Variants in EGFR observed in about 807,000 individuals in gnomAD.
The protein encoded by EGFR is avian erythroblastic leukemia viral (v-erb-b) oncogene homolog.
A neutral mutation model predicts 143.0 loss-of-function variants in EGFR; 58 were observed. The ratio of observed to expected loss-of-function variants is 0.41; its 90% CI spans 0.33 to 0.50. The LOEUF (loss-of-function observed/expected upper bound fraction) is 0.50, where lower values mean the gene tolerates loss of function less well. EGFR is among the 20% of genes least tolerant of loss of function. The pLI is 0.39. For synonymous variants in EGFR, 613 were observed against 594.4 expected, an observed-to-expected ratio of 1.03 and a Z score of -0.45; for missense variants, 1,307 against 1,579.0, an observed-to-expected ratio of 0.83 and a Z score of 2.92.
chr7:55,170,663 G>A, intron 15 of EGFR: 1 of 1,594,808 alleles, frequency 6.3e-7, no homozygotes. Flanking sequence ...CTTTGCCAGT[G>A]CCTCTCACCC....
At chr7:55,086,241 C>G (rs1170584268) in intron 1 of EGFR, among the ~76,000 whole-genome samples, 1 of 152,194 alleles carries the variant, frequency 6.6e-6, no homozygotes, top group African/African-American at 2.4e-5. Context: ...GGGGCTTGCA[C>G]CCCGGAGCCT....
chr7:55,204,166 CAT>C (rs1421395373), intron 27 of EGFR, among the ~76,000 whole-genome samples: 1 of 150,844 alleles, frequency 6.6e-6, no homozygotes, highest in Non-Finnish European at 1.5e-5. Context: ...TACACACACA[CAT>C]ACACACAGAC....
chr7:55,068,021 TG>T (rs1282431846), intron 1 of EGFR, among the ~76,000 whole-genome samples: 1 of 151,078 alleles, frequency 6.6e-6, no homozygotes, highest in African/African-American at 2.5e-5. Context: ...CAGGTGTGCC[TG>T]TGTGTATGTG....
chr7:55,172,913 C>A (rs779560466), intron 16 of EGFR, 70 bp from the exon 17 acceptor site: 15 of 1,613,256 alleles, frequency 9.3e-6, no homozygotes, highest in Non-Finnish European at 1.2e-5. Context: ...CATGCAGGGG[C>A]GTGTTGAGTG....
At chr7:55,074,036 T>G (rs1231970386) in intron 1 of EGFR, among the ~76,000 whole-genome samples, 1 of 152,256 alleles carries the variant, frequency 6.6e-6, no homozygotes, top group Non-Finnish European at 1.5e-5. Flanking sequence ...CCATGGGTAC[T>G]GCAAACAGCC....
rs752803556 is a variant in EGFR at position 55,154,160 on chromosome 7, C to T, written c.889+8C>T. On this transcript the variant is annotated splice_region_variant and intron_variant, in intron 7 of 27. Transcript: ENST00000275493. ...GCGTGAAGAAGTGTCCCCGTGAGTC[C>T]TCCTCTGTGGGCCCTCTAACTGGTC... The T allele has an allele frequency of 4.3e-6, 7 of 1,614,084 alleles. No homozygotes were observed. In the African/African-American group the frequency reaches 8.0e-5, roughly 18 times the overall value.
intron 11 of EGFR, among the ~76,000 whole-genome samples, chr7:55,158,771 C>T (rs186697260): frequency 1.0e-3 from 154 of 152,314 alleles, no homozygotes; most frequent in African/African-American, 3.5e-3. Context: ...CCCAGACCTG[C>T]CCTGCAAGGA....
At chr7:55,105,969 T>TG (rs1194135246) in intron 1 of EGFR, among the ~76,000 whole-genome samples, 1 of 152,190 alleles carries the variant, frequency 6.6e-6, no homozygotes, top group East Asian at 1.9e-4. Flanking sequence ...AAGCATAACA[T>TG]GAGAAGGGCT....
chr7:55,109,931 G>A (rs571287547), intron 1 of EGFR: 8 of 985,410 alleles, frequency 8.1e-6, no homozygotes, highest in South Asian at 4.7e-5. Flanking sequence ...CGACCTCTCC[G>A]CGCTGAGAAG....
chr7:55,197,985 C>T (rs536285026), intron 22 of EGFR, among the ~76,000 whole-genome samples: 1 of 152,214 alleles, frequency 6.6e-6, no homozygotes, highest in Non-Finnish European at 1.5e-5. Context: ...CTCTGCCAAG[C>T]TTTGGTATCA....
chr7:55,136,813 T>C (rs1205362139), intron 1 of EGFR, among the ~76,000 whole-genome samples: 1 of 152,252 alleles, frequency 6.6e-6, no homozygotes, highest in Non-Finnish European at 1.5e-5. Flanking sequence ...AAACAGCTGA[T>C]ACTATACAGT....
chr7:55,124,272 G>T (rs1793388672), intron 1 of EGFR, among the ~76,000 whole-genome samples: 1 of 152,068 alleles, frequency 6.6e-6, no homozygotes, highest in African/African-American at 2.4e-5. Context: ...ATGTTTTATT[G>T]ATATGAGTAT....
rs549522612 is a variant in EGFR, at chr7:55,206,506, A to G, written c.*889A>G. 2 of 233,316 alleles carry G rather than the reference A, an allele frequency of 8.6e-6. No individual in the cohort carries two copies. Among genetic ancestry groups the G allele is most frequent in the East Asian group, 1.2e-4 (2 of 16,596 alleles). 14.5% of individuals were successfully genotyped at this position (233,316 alleles called of 1,614,324 possible). A position where few individuals can be genotyped will look rare whatever the true frequency, so the allele number is the denominator to read the frequency against. On this transcript the variant is annotated 3_prime_UTR_variant, in exon 28 of 28. Coordinates refer to ENST00000275493, the MANE Select transcript of EGFR (RefSeq NM_005228.5). ...TTGGACCAATAGCCCACAGCTGAGA[A>G]TGTGGAATACCTAAGGATAGCACCG...
At chr7:55,076,524 C>A (rs1790138890) in intron 1 of EGFR, among the ~76,000 whole-genome samples, 1 of 152,202 alleles carries the variant, frequency 6.6e-6, no homozygotes. Flanking sequence ...AAAGATTCCT[C>A]TTTTTATTCC....
intron 20 of EGFR, among the ~76,000 whole-genome samples, chr7:55,183,556 C>T (rs1356147056): frequency 2.0e-5 from 3 of 152,124 alleles, no homozygotes; most frequent in Non-Finnish European, 4.4e-5. Context: ...GGTGGTCAGC[C>T]TGGGGCAGAT....
intron 10 of EGFR, chr7:55,157,048 C>G: frequency 8.2e-7 from 1 of 1,219,902 alleles, no homozygotes; most frequent in Non-Finnish European, 1.1e-6. Flanking sequence ...GCGGTGTAAA[C>G]ACGCTTTCTC....
At chr7:55,036,880 A>G (rs1309731505) in intron 1 of EGFR, among the ~76,000 whole-genome samples, 1 of 152,208 alleles carries the variant, frequency 6.6e-6, no homozygotes, top group Non-Finnish European at 1.5e-5. Context: ...GCAGAAGGAC[A>G]GGGCTATTTG....
chr7:55,142,454 T>C lies in EGFR; in HGVS notation c.240+17T>C, dbSNP rs1284017118. ...TTCTTAAAGGTTGGTGACTTTGATTTTCCTACACAAATAAAATTGGAGAAA... is the reference window on the plus strand; with the variant it reads ...TTCTTAAAGGTTGGTGACTTTGATTCTCCTACACAAATAAAATTGGAGAAA... On this transcript the variant is annotated intron_variant, in intron 2 of 27. Transcript: ENST00000275493. The C allele has an allele frequency of 4.3e-6, 7 of 1,613,418 alleles. No individual in the cohort carries two copies. The South Asian group carries it at 7.7e-5, about 18-fold the overall frequency.
chr7:55,041,689 C>T (rs1223132320), intron 1 of EGFR, among the ~76,000 whole-genome samples: 1 of 152,198 alleles, frequency 6.6e-6, no homozygotes, highest in Non-Finnish European at 1.5e-5. Flanking sequence ...TAAGTTTTCT[C>T]ATTGGCCTTT....
Sources: gnomAD v4.1 joint callset for allele counts (sites outside exome capture counted in the v4.1 genomes callset) on GRCh38, gnomAD v4.1.1 for gene constraint, MANE v1.5 for transcripts, NCBI Gene and HGNC (gene_info 2026-07-23, HGNC 2026-07-21) for gene names.